The following CAMTA1 variants were observed in gnomAD, a reference collection of about 807,000 sequenced individuals.
CAMTA1 encodes calmodulin-binding transcription activator 1.
A neutral mutation model predicts 170.9 loss-of-function variants in CAMTA1; 27 were observed. That is an observed-to-expected ratio of 0.16 (90% CI 0.12 to 0.22). The LOEUF is 0.22. Ranked by LOEUF, CAMTA1 falls within the 10% of genes least tolerant of loss-of-function variation. CAMTA1 has a pLI of 1.00. For missense variants in CAMTA1, 1,619 were observed against 2,217.2 expected, an observed-to-expected ratio of 0.73 and a Z score of 5.42; for synonymous variants, 833 against 891.5, an observed-to-expected ratio of 0.93 and a Z score of 1.17.
At chr1:7,319,218 G>A (rs1361547122) in intron 5 of CAMTA1, among the ~76,000 whole-genome samples, 1 of 152,154 alleles carries the variant, frequency 6.6e-6, no homozygotes. Flanking sequence ...AAGGAAGGTT[G>A]AGGGTGAGAT....
chr1:7,478,151 T>C (rs1203217274), intron 6 of CAMTA1, among the ~76,000 whole-genome samples: 1 of 152,086 alleles, frequency 6.6e-6, no homozygotes, highest in Non-Finnish European at 1.5e-5. Flanking sequence ...CAGGACCCTT[T>C]CCAGCAGCTT....
chr1:7,231,683 A>T (rs920821167), intron 4 of CAMTA1, among the ~76,000 whole-genome samples: 3 of 152,116 alleles, frequency 2.0e-5, no homozygotes, highest in African/African-American at 7.2e-5. Flanking sequence ...GAGATTTTCA[A>T]TCAAAGCTGC....
chr1:7,613,113 A>G (rs1036804938), intron 6 of CAMTA1, among the ~76,000 whole-genome samples: 4 of 152,192 alleles, frequency 2.6e-5, no homozygotes, highest in Non-Finnish European at 4.4e-5. Context: ...CCATGACCCA[A>G]GGATTGCAGG....
At chr1:7,324,771 C>T (rs559360753) in intron 5 of CAMTA1, among the ~76,000 whole-genome samples, 2 of 148,086 alleles carry the variant, frequency 1.4e-5, no homozygotes, top group South Asian at 2.2e-4. Context: ...CGCGCCACTG[C>T]ACTCCAGCCT....
rs556154462 is a variant in CAMTA1, at chr1:7,767,022, C to T, written c.*531C>T. 1 of 153,078 alleles carries T rather than the reference C, an allele frequency of 6.5e-6. No homozygotes were observed. Among genetic ancestry groups the T allele is most frequent in the East Asian group, 1.9e-4 (1 of 5,204 alleles). 9.5% of individuals were successfully genotyped at this position (153,078 alleles called of 1,614,324 possible). ...GATCATACAAAAATCTTTATTGGGT[C>T]CGTGTGTTCTCATTTCCTTCACTGT... On this transcript the variant is annotated 3_prime_UTR_variant, in exon 23 of 23. Coordinates refer to ENST00000303635, the MANE Select transcript of CAMTA1 (RefSeq NM_015215.4).
intron 6 of CAMTA1, among the ~76,000 whole-genome samples, chr1:7,520,213 CCT>C (rs2094343211): frequency 4.1e-3 from 1 of 246 alleles, no homozygotes; most frequent in Non-Finnish European, 8.2e-3. Context: ...TCCTCCTCCT[CCT>C]CCTCCTCCTC....
intron 5 of CAMTA1, among the ~76,000 whole-genome samples, chr1:7,310,708 T>C (rs377063032): frequency 0.083 from 2,789 of 33,530 alleles, 252 homozygotes; most frequent in African/African-American, 0.17. Flanking sequence ...CTCTCTTTCT[T>C]TCTTTCTTTC....
rs2095306225 is a variant in CAMTA1 at position 7,585,930 on chromosome 1, C to T, written c.511-54470C>T. Among the ~76,000 whole-genome samples the T allele has an allele frequency of 6.6e-6, 1 of 152,056 alleles. No homozygotes were observed. Among genetic ancestry groups the T allele is most frequent in the South Asian group, 2.1e-4 (1 of 4,834 alleles). ...TCCCAGCTGGGCTGAGCCTTCCTCT[C>T]TGTGTCCCCCAGGACCCTGGGTCCA... On this transcript the variant is annotated intron_variant, in intron 6 of 22. Coordinates refer to ENST00000303635, the MANE Select transcript of CAMTA1 (RefSeq NM_015215.4). The surrounding 1 kb of genome is among the most constrained non-coding windows in gnomAD (Gnocchi z 4.8).
chr1:6,920,319 T>G (rs1681727573), intron 3 of CAMTA1, among the ~76,000 whole-genome samples: 1 of 152,240 alleles, frequency 6.6e-6, no homozygotes, highest in African/African-American at 2.4e-5. Flanking sequence ...CTGCATGTCT[T>G]GTGTCTGGGT....
intron 3 of CAMTA1, among the ~76,000 whole-genome samples, chr1:7,028,971 A>C (rs1191969351): frequency 6.6e-6 from 1 of 152,232 alleles, no homozygotes; most frequent in Non-Finnish European, 1.5e-5. Flanking sequence ...GAAAGTGGAA[A>C]GTGTTATTGA....
At chr1:7,074,075 C>G (rs2147950012) in intron 3 of CAMTA1, among the ~76,000 whole-genome samples, 1 of 152,248 alleles carries the variant, frequency 6.6e-6, no homozygotes, top group East Asian at 1.9e-4. Flanking sequence ...GAGGATCTGC[C>G]CTGGTGTTTC....
At chr1:6,898,665 A>C (rs923723664) in intron 3 of CAMTA1, among the ~76,000 whole-genome samples, 1 of 152,184 alleles carries the variant, frequency 6.6e-6, no homozygotes, top group African/African-American at 2.4e-5. Context: ...TCCTGGGTGG[A>C]GTTGGTGCTT....
At chr1:7,055,134 A>G (rs1326918856) in intron 3 of CAMTA1, among the ~76,000 whole-genome samples, 1 of 152,120 alleles carries the variant, frequency 6.6e-6, no homozygotes, top group Admixed American at 6.5e-5. Context: ...ACCAGACCCC[A>G]CCTCTAACAC....
chr1:7,744,128 C>CTTTT (rs60348958), intron 16 of CAMTA1, among the ~76,000 whole-genome samples: 3 of 84,272 alleles, frequency 3.6e-5, no homozygotes, highest in African/African-American at 4.8e-5. Context: ...CGCCTGGCCT[C>CTTTT]TTTTTTTTTT....
chr1:7,255,575 C>T (rs544134238), intron 5 of CAMTA1, among the ~76,000 whole-genome samples: 10 of 152,298 alleles, frequency 6.6e-5, no homozygotes, highest in Admixed American at 2.0e-4. Flanking sequence ...ATTGCCGTTG[C>T]TTTCCATCTG....
intron 4 of CAMTA1, among the ~76,000 whole-genome samples, chr1:7,240,943 G>C (rs934193398): frequency 7.9e-5 from 12 of 152,162 alleles, no homozygotes; most frequent in African/African-American, 2.9e-4. Context: ...CATTGGACTG[G>C]AGGTGCCAGC....
chr1:7,337,154 T>G (rs184009429), intron 5 of CAMTA1, among the ~76,000 whole-genome samples: 19 of 152,312 alleles, frequency 1.2e-4, no homozygotes, highest in Admixed American at 3.3e-4. Context: ...CGTAGTGGCC[T>G]GGTGGTTCTA....
chr1:7,664,030 G>A lies in CAMTA1; in HGVS notation c.1483G>A (p.Gly495Ser). ...PDCFLNNPKQ[G>S]QTYGGGGLKA... ...CTGTTTCCTTAATAACCCAAAGCAG[G>A]GCCAGACGTACGGGGGTGGAGGCCT... Residue 495 changes from glycine to serine, a missense_variant, in exon 9 of 23, where the codon GGC becomes AGC. Around this residue, in one of 8 missense-constraint regions of CAMTA1, gnomAD observed 731 missense variants for 907.6 expected, o/e 0.81. Transcript: ENST00000303635. 1 of 1,613,930 alleles carries A rather than the reference G, an allele frequency of 6.2e-7. No individual in the cohort carries two copies. Among genetic ancestry groups the A allele is most frequent in the South Asian group, 1.1e-5 (1 of 91,084 alleles).
intron 4 of CAMTA1, among the ~76,000 whole-genome samples, chr1:7,130,038 G>A (rs1645156670): frequency 6.6e-6 from 1 of 151,980 alleles, no homozygotes. Flanking sequence ...CCAGGTTCAA[G>A]CCATTCTCCC....
Sources: gnomAD v4.1 joint callset for allele counts (sites outside exome capture counted in the v4.1 genomes callset) on GRCh38, gnomAD v4.1.1 for gene constraint, gnomAD v4.1.1 regional missense constraint, Gnocchi (gnomAD v3.1) non-coding constraint, MANE v1.5 for transcripts, NCBI Gene and HGNC (gene_info 2026-07-23, HGNC 2026-07-21) for gene names.